ACOT13: variants seen among roughly 807,000 people sequenced by gnomAD.
ACOT13 encodes acyl-coenzyme A thioesterase 13.
ACOT13 carries 10 observed loss-of-function variants against 11.8 expected under a neutral mutation model. The observed-to-expected ratio is 0.85, with a 90% CI of 0.53 to 1.44. ACOT13 has a LOEUF of 1.44. Among genes scored for constraint, ACOT13 ranks in the 40% most tolerant of loss-of-function variants. The probability of loss-of-function intolerance (pLI) is 0.00; values close to 1 mark genes in which losing one functional copy is unlikely to be tolerated. For synonymous variants in ACOT13, 53 were observed against 61.0 expected, an observed-to-expected ratio of 0.87 and a Z score of 0.61; for missense variants, 172 against 174.1, an observed-to-expected ratio of 0.99 and a Z score of 0.07.
chr6:24,678,542 T>C (rs76013163), intron 1 of ACOT13, among the ~76,000 whole-genome samples: 2 of 152,100 alleles, frequency 1.3e-5, no homozygotes, highest in East Asian at 1.9e-4. Flanking sequence ...AATCCTTTAA[T>C]TTAACTTGAA....
chr6:24,667,935 G>A (rs1296554360), intron 1 of ACOT13, among the ~76,000 whole-genome samples: 1 of 152,092 alleles, frequency 6.6e-6, no homozygotes, highest in Non-Finnish European at 1.5e-5. Context: ...ATGAGGTTTC[G>A]CCCTTGTTGC....
intron 2 of ACOT13, among the ~76,000 whole-genome samples, chr6:24,699,512 T>C (rs1004905125): frequency 6.6e-6 from 1 of 152,202 alleles, no homozygotes; most frequent in Admixed American, 6.5e-5. Context: ...GCCCAGCCAA[T>C]GTAGGCTTTT....
chr6:24,699,893 A>G (rs1778865313), intron 2 of ACOT13, among the ~76,000 whole-genome samples: 1 of 152,226 alleles, frequency 6.6e-6, no homozygotes, highest in Non-Finnish European at 1.5e-5. Flanking sequence ...GTGTTGCCAA[A>G]AGCATTGGCC....
At chr6:24,696,084 A>C (rs1350308305) in intron 1 of ACOT13, among the ~76,000 whole-genome samples, 2 of 152,196 alleles carry the variant, frequency 1.3e-5, no homozygotes, top group African/African-American at 4.8e-5. Flanking sequence ...AAAAAAACAA[A>C]AAACAAAAAA....
At chr6:24,692,450 T>G (rs1426669749) in intron 1 of ACOT13, among the ~76,000 whole-genome samples, 1 of 152,200 alleles carries the variant, frequency 6.6e-6, no homozygotes, top group Non-Finnish European at 1.5e-5. Context: ...AGGGTCTCAC[T>G]CTGTCAGCCA....
chr6:24,699,361 C>T (rs1778854836), intron 2 of ACOT13, among the ~76,000 whole-genome samples: 1 of 152,040 alleles, frequency 6.6e-6, no homozygotes, highest in African/African-American at 2.4e-5. Context: ...AGGCGCCTGC[C>T]ACCATGCCCG....
chr6:24,682,051 G>A (rs1778560436), intron 1 of ACOT13, among the ~76,000 whole-genome samples: 1 of 152,176 alleles, frequency 6.6e-6, no homozygotes, highest in African/African-American at 2.4e-5. Context: ...AAAATTGAAA[G>A]TGGAAGCTGG....
chr6:24,667,518 G>A (rs924047448), intron 1 of ACOT13, among the ~76,000 whole-genome samples, 174 bp downstream of exon 1: 1 of 152,166 alleles, frequency 6.6e-6, no homozygotes, highest in African/African-American at 2.4e-5. Context: ...TAAATATGCT[G>A]GGTCGAACGC....
chr6:24,688,531 C>A (rs1778671464), intron 1 of ACOT13, among the ~76,000 whole-genome samples: 1 of 142,816 alleles, frequency 7.0e-6, no homozygotes, highest in African/African-American at 2.6e-5. Flanking sequence ...CAAAGTGAGA[C>A]CCTGTCTCAA....
chr6:24,695,644 A>G (rs1354166878), intron 1 of ACOT13, among the ~76,000 whole-genome samples: 2 of 152,214 alleles, frequency 1.3e-5, no homozygotes, highest in Non-Finnish European at 2.9e-5. Flanking sequence ...CATTTTTTAC[A>G]TTGCCAATGC....
In ACOT13 at chr6:24,703,263, CAA is replaced by C. The variant is rs1778926206; in HGVS notation, c.*1649_*1650del. The C allele has an allele frequency of 6.6e-6, 1 of 152,104 alleles. No homozygotes were observed. The highest frequency in any genetic ancestry group is 2.4e-5 in the African/African-American group (1 of 41,406). 9.4% of individuals were successfully genotyped at this position (152,104 alleles called of 1,614,324 possible). ...GATGCAGCTTTAAGTAAATTTAAGTCAAGTTAACAGTTAAAGACAAATCCTTT... is the reference window on the plus strand; with the variant it reads ...GATGCAGCTTTAAGTAAATTTAAGTCGTTAACAGTTAAAGACAAATCCTTT... On this transcript the variant is annotated 3_prime_UTR_variant, in exon 3 of 3. Coordinates refer to ENST00000230048, the MANE Select transcript of ACOT13 (RefSeq NM_018473.4).
chr6:24,673,550 G>A (rs1778394357), intron 1 of ACOT13, among the ~76,000 whole-genome samples: 4 of 152,044 alleles, frequency 2.6e-5, no homozygotes, highest in Admixed American at 2.0e-4. Context: ...TGTTAGAGAC[G>A]AGGTGTCACT....
chr6:24,679,068 C>T (rs200774952), intron 1 of ACOT13, among the ~76,000 whole-genome samples: 2 of 143,582 alleles, frequency 1.4e-5, no homozygotes, highest in African/African-American at 2.6e-5. Flanking sequence ...GGGGCATGGA[C>T]GAGGGGGCAG....
At chr6:24,673,022 A>G (rs555697636) in intron 1 of ACOT13, among the ~76,000 whole-genome samples, 94 of 152,344 alleles carry the variant, frequency 6.2e-4, no homozygotes, top group Admixed American at 1.0e-3. Flanking sequence ...TGTCCTTTTT[A>G]GACCCAGGAG....
intron 1 of ACOT13, among the ~76,000 whole-genome samples, chr6:24,682,024 C>T (rs917463162): frequency 6.6e-6 from 1 of 152,150 alleles, no homozygotes; most frequent in Non-Finnish European, 1.5e-5. Flanking sequence ...CTCTAGTCAG[C>T]CCTCGGATTC....
rs1472575995 is a variant in ACOT13 at position 24,667,227 on chromosome 6, T to C, written c.-37T>C. ...ACTTTCCAGCTCTTCCGAAGTTCGTTCTTGCGCAAAGCCCAAAGGCTGGAA... is the reference window on the plus strand; with the variant it reads ...ACTTTCCAGCTCTTCCGAAGTTCGTCCTTGCGCAAAGCCCAAAGGCTGGAA... On this transcript the variant is annotated 5_prime_UTR_variant, in exon 1 of 3. Transcript: ENST00000230048. 2.5e-6 allele frequency: 4 copies of C among 1,605,278 alleles called. No individual in the cohort carries two copies.
rs1291330712 is a variant in ACOT13 at position 24,697,907 on chromosome 6, G to A, written c.106G>A (p.Gly36Arg). 2 of 1,610,006 alleles carry A rather than the reference G, an allele frequency of 1.2e-6. No individual in the cohort carries two copies. The highest frequency in any genetic ancestry group is 2.2e-5 in the South Asian group (2 of 90,216). The change falls in exon 2 of 3, where the codon GGG becomes AGG. Residue 36 changes from glycine to arginine, a missense_variant. Coordinates refer to ENST00000230048, the MANE Select transcript of ACOT13 (RefSeq NM_018473.4). ...GKITLVSAAPGKVICEMKVEE... is the reference protein window; with the variant it reads ...GKITLVSAAPRKVICEMKVEE... The stretch of plus-strand genomic sequence containing the variant: ...GATTACTCTTGTCTCTGCTGCTCCT[G>A]GGAAAGTGATTTGTGAAATGAAAGT...
intron 1 of ACOT13, among the ~76,000 whole-genome samples, chr6:24,688,611 G>C (rs1778673895): frequency 6.6e-6 from 1 of 150,828 alleles, no homozygotes; most frequent in Non-Finnish European, 1.5e-5. Flanking sequence ...ATTAGTAAAA[G>C]AAATCACAGC....
chr6:24,668,157 C>T (rs187759047), intron 1 of ACOT13, among the ~76,000 whole-genome samples: 107 of 152,154 alleles, frequency 7.0e-4, no homozygotes, highest in African/African-American at 2.3e-3. Context: ...AAACGCCTGC[C>T]TCCGCCTCCC....
Sources: gnomAD v4.1 joint callset for allele counts (sites outside exome capture counted in the v4.1 genomes callset) on GRCh38, gnomAD v4.1.1 for gene constraint, MANE v1.5 for transcripts, NCBI Gene and HGNC (gene_info 2026-07-23, HGNC 2026-07-21) for gene names.